ARHGEF38: variants seen among roughly 807,000 people sequenced by gnomAD.
ARHGEF38 encodes Rho guanine nucleotide exchange factor 38.
ARHGEF38 carries 79 observed loss-of-function variants against 79.9 expected under a neutral mutation model. The observed-to-expected ratio is 0.99, with a 90% CI of 0.82 to 1.19. The LOEUF is 1.19. Ranked by LOEUF, ARHGEF38 falls within the 50% of genes most tolerant of loss-of-function variation. The pLI is 0.00. For missense variants in ARHGEF38, 962 were observed against 907.2 expected, an observed-to-expected ratio of 1.06 and a Z score of -0.78; for synonymous variants, 366 against 328.3, an observed-to-expected ratio of 1.11 and a Z score of -1.24.
rs571934833 is a variant in ARHGEF38 at position 105,559,377 on chromosome 4, C to A, written c.196+6416C>A. ...GTTGCTGGTGTGCATGCTCTTAGGC[C>A]TAAGGCACAATTGATGATGGGGGTG... On this transcript the variant is annotated intron_variant, in intron 1 of 13. Transcript: ENST00000420470. Among the ~76,000 whole-genome samples, 3 of 152,178 alleles carry A rather than the reference C, an allele frequency of 2.0e-5. No homozygotes were observed. In the South Asian group the frequency reaches 6.2e-4, roughly 32 times the overall value.
At chr4:105,553,056 G>A (rs1452576173) in intron 1 of ARHGEF38, 95 bp downstream of exon 1, 5 of 966,406 alleles carry the variant, frequency 5.2e-6, no homozygotes, top group Non-Finnish European at 7.4e-6. Context: ...AGGCAGAGGG[G>A]AAAATTGAAT....
chr4:105,583,138 G>C (rs562130389), intron 1 of ARHGEF38, among the ~76,000 whole-genome samples: 1 of 151,934 alleles, frequency 6.6e-6, no homozygotes, highest in African/African-American at 2.4e-5. Flanking sequence ...TTCTCTTTCG[G>C]TTTTCTCCTT....
intron 2 of ARHGEF38, among the ~76,000 whole-genome samples, chr4:105,596,280 G>A (rs1727575299): frequency 6.6e-6 from 1 of 152,146 alleles, no homozygotes. Flanking sequence ...AGTTAGGGAG[G>A]GAAAATTCTT....
intron 3 of ARHGEF38, among the ~76,000 whole-genome samples, chr4:105,614,969 C>T (rs1728453156): frequency 6.6e-6 from 1 of 152,122 alleles, no homozygotes; most frequent in Non-Finnish European, 1.5e-5. Flanking sequence ...GAAAACATTT[C>T]TAGATGGAAA....
rs79342312 is a variant in ARHGEF38, at chr4:105,589,403, A to G, written c.352A>G (p.Arg118Gly). The change falls in exon 2 of 14, where the codon AGG (arginine) becomes GGG (glycine). Residue 118 changes from arginine (R) to glycine (G), a missense_variant. Arg to Gly is a moderately radical substitution (Grantham distance 125, BLOSUM62 -2). Coordinates refer to ENST00000420470, the MANE Select transcript of ARHGEF38 (RefSeq NM_001242729.2). ...DYLNDLELCV[R>G]EVVQPLRNKK... is the part of the protein sequence containing the mutation. ...TCTCAATGATCTAGAGCTGTGTGTTAGGGAAGTGGTTCAGCCCCTGAGAAA... is the reference window on the plus strand; with the variant it reads ...TCTCAATGATCTAGAGCTGTGTGTTGGGGAAGTGGTTCAGCCCCTGAGAAA... The G allele has an allele frequency of 6.2e-7, 1 of 1,613,230 alleles. No individual in the cohort carries two copies. The highest frequency in any genetic ancestry group is 1.3e-5 in the African/African-American group (1 of 75,018).
At chr4:105,561,459 A>AGAATAGAATAGAATAGAATAGAATG (rs1725575716) in intron 1 of ARHGEF38, 2 of 38,078 alleles carry the variant, frequency 5.3e-5, no homozygotes, top group Admixed American at 2.8e-4. Flanking sequence ...GGAATAGAAT[A>AGAATAGAATAGAATAGAATAGAATG]GAATAGAATA....
intron 2 of ARHGEF38, among the ~76,000 whole-genome samples, chr4:105,591,522 C>T (rs1411780958): frequency 2.0e-5 from 3 of 152,162 alleles, no homozygotes; most frequent in Non-Finnish European, 4.4e-5. Context: ...AGCCACCATG[C>T]CCGGCCTCAG....
At chr4:105,662,598 A>T (rs1471058893) in intron 10 of ARHGEF38, among the ~76,000 whole-genome samples, 1 of 152,090 alleles carries the variant, frequency 6.6e-6, no homozygotes, top group Non-Finnish European at 1.5e-5. Flanking sequence ...ATATGGATTT[A>T]ATTTTATCTT....
At chr4:105,567,514 G>A (rs530588237) in intron 1 of ARHGEF38, among the ~76,000 whole-genome samples, 1 of 152,282 alleles carries the variant, frequency 6.6e-6, no homozygotes, top group African/African-American at 2.4e-5. Flanking sequence ...GAAGTCAGCT[G>A]TTGAACACAA....
chr4:105,645,451 G>C (rs1401165460), intron 6 of ARHGEF38, 64 bp downstream of exon 6: 7 of 1,311,766 alleles, frequency 5.3e-6, no homozygotes, highest in Non-Finnish European at 7.1e-6. Flanking sequence ...ATGTTTCTGA[G>C]AATCAGAATG....
At chr4:105,562,940 T>C (rs760176299) in intron 1 of ARHGEF38, among the ~76,000 whole-genome samples, 6 of 152,184 alleles carry the variant, frequency 3.9e-5, no homozygotes, top group Non-Finnish European at 7.3e-5. Flanking sequence ...AGGGAAGTTC[T>C]GAAGACAGAT....
chr4:105,632,156 T>C (rs567122996), intron 4 of ARHGEF38, among the ~76,000 whole-genome samples: 1 of 152,182 alleles, frequency 6.6e-6, no homozygotes, highest in Non-Finnish European at 1.5e-5. Flanking sequence ...GAGTTTAAAA[T>C]GAGCCCAGTG....
intron 9 of ARHGEF38, among the ~76,000 whole-genome samples, chr4:105,656,840 CTAGG>C: frequency 6.6e-6 from 1 of 152,012 alleles, no homozygotes; most frequent in East Asian, 1.9e-4. Context: ...ATTCCAAACC[CTAGG>C]AAGTCATACA....
intron 10 of ARHGEF38, among the ~76,000 whole-genome samples, chr4:105,665,517 G>T (rs1333836616): frequency 1.3e-5 from 2 of 152,012 alleles, no homozygotes; most frequent in African/African-American, 4.8e-5. Context: ...GCCCAGGCTG[G>T]TCTTGAACTC....
At chr4:105,637,498 T>A (rs1008729903) in intron 5 of ARHGEF38, among the ~76,000 whole-genome samples, 3 of 152,156 alleles carry the variant, frequency 2.0e-5, no homozygotes, top group African/African-American at 7.2e-5. Context: ...TTTCCAATTC[T>A]AGGCTCATTT....
intron 13 of ARHGEF38, among the ~76,000 whole-genome samples, chr4:105,672,176 C>T (rs1171219529): frequency 1.3e-5 from 2 of 152,110 alleles, no homozygotes; most frequent in Non-Finnish European, 2.9e-5. Flanking sequence ...TAATGAGTCT[C>T]CTCAAATACA....
intron 7 of ARHGEF38, among the ~76,000 whole-genome samples, chr4:105,648,951 A>T (rs924665536): frequency 3.3e-5 from 5 of 151,996 alleles, no homozygotes; most frequent in Non-Finnish European, 5.9e-5. Flanking sequence ...GACAAAAGAG[A>T]GACACGGACA....
Position 105,645,325 on chromosome 4 carries a change from C to T in ARHGEF38, c.812C>T (p.Ala271Val), listed in dbSNP as rs1333285592. 1.3e-6 allele frequency: 2 copies of T among 1,535,036 alleles called. No homozygotes were observed. Among genetic ancestry groups the T allele is most frequent in the Non-Finnish European group, 1.7e-6 (2 of 1,146,694 alleles). The change falls in exon 6 of 14, where the codon GCC becomes GTC. Residue 271 changes from alanine to valine, a missense_variant. Coordinates refer to ENST00000420470, the MANE Select transcript of ARHGEF38 (RefSeq NM_001242729.2). ...SHPDYRALDDAFAAVKDINVN... is the reference protein window; with the variant it reads ...SHPDYRALDDVFAAVKDINVN... ...CCAGATTACAGAGCACTGGACGATG[C>T]CTTTGCTGCTGTGAAGGACATTAAT... is the stretch of plus-strand genomic sequence containing the variant.
At chr4:105,626,722 AAAACAC>A (rs768198083) in intron 3 of ARHGEF38, among the ~76,000 whole-genome samples, 13 of 152,092 alleles carry the variant, frequency 8.5e-5, no homozygotes, top group Non-Finnish European at 1.6e-4. Context: ...TAGCTTTTCT[AAAACAC>A]AATCTGGTCA....
Sources: allele counts gnomAD v4.1 joint callset (sites outside exome capture counted in the v4.1 genomes callset), GRCh38; gene constraint gnomAD v4.1.1; transcripts MANE v1.5; gene names NCBI Gene and HGNC (gene_info 2026-07-23, HGNC 2026-07-21).